Variants in PTPRD observed in about 807,000 individuals in gnomAD.
The protein encoded by PTPRD is receptor-type tyrosine-protein phosphatase delta.
PTPRD carries 34 observed loss-of-function variants against 214.5 expected under a neutral mutation model. The ratio of observed to expected loss-of-function variants is 0.16; its 90% CI spans 0.12 to 0.21. The LOEUF is 0.21. Ranked by LOEUF, PTPRD falls within the 10% of genes least tolerant of loss-of-function variation. The pLI is 1.00. For synonymous variants in PTPRD, 1,128 were observed against 845.7 expected, an observed-to-expected ratio of 1.33 and a Z score of -5.79; for missense variants, 2,545 against 2,398.7, an observed-to-expected ratio of 1.06 and a Z score of -1.27.
chr9:9,943,650 A>AAAG (rs75262154), intron 4 of PTPRD, among the ~76,000 whole-genome samples: 85,376 of 151,592 alleles, frequency 0.56, 26,970 homozygotes, highest in East Asian at 0.9. Context: ...GTTTAAAATA[A>AAAG]AAGTGTAGTC....
chr9:10,106,619 A>C (rs1343582710), intron 3 of PTPRD, among the ~76,000 whole-genome samples: 1 of 151,952 alleles, frequency 6.6e-6, no homozygotes, highest in Non-Finnish European at 1.5e-5. Context: ...GGGTTATGAG[A>C]GGACCATCTA....
chr9:9,067,112 A>C (rs2099735859), intron 10 of PTPRD, among the ~76,000 whole-genome samples: 1 of 152,154 alleles, frequency 6.6e-6, no homozygotes, highest in Non-Finnish European at 1.5e-5. Context: ...TCGTGGTGGC[A>C]CATGACTGTA....
rs139183765 is a variant in PTPRD at position 8,976,806 on chromosome 9, T to G, written c.-104+41891A>C. On this transcript the variant is annotated intron_variant, in intron 11 of 45. Transcript: ENST00000381196. ...TATTCCTAAATGGAGGTGGATATTG[T>G]TGATTTTTTGGAGTGGTTAAAGCAG... is the stretch of plus-strand genomic sequence containing the variant. Among the ~76,000 whole-genome samples, 273 of 152,224 alleles carry G rather than the reference T, an allele frequency of 1.8e-3. 1 individual carries two copies. The highest frequency in any genetic ancestry group is 6.4e-3 in the African/African-American group (266 of 41,552).
intron 3 of PTPRD, among the ~76,000 whole-genome samples, chr9:10,254,860 G>A (rs1251662316): frequency 6.6e-6 from 1 of 152,148 alleles, no homozygotes; most frequent in East Asian, 1.9e-4. Context: ...ATGATAAGCA[G>A]CAATAATTGC....
chr9:9,848,848 T>A (rs9408796), intron 5 of PTPRD, among the ~76,000 whole-genome samples: 1 of 151,868 alleles, frequency 6.6e-6, no homozygotes, highest in Non-Finnish European at 1.5e-5. Flanking sequence ...TGCCTAAGTA[T>A]TAAATGTAAA....
At chr9:8,907,349 T>C (rs2006837) in intron 11 of PTPRD, among the ~76,000 whole-genome samples, 6,193 of 151,644 alleles carry the variant, frequency 0.041, 310 homozygotes, top group South Asian at 0.12. Context: ...AATAAAATAG[T>C]ATTTAAAGAA....
chr9:9,896,492 A>G (rs2075008881), intron 5 of PTPRD, among the ~76,000 whole-genome samples: 1 of 152,092 alleles, frequency 6.6e-6, no homozygotes, highest in Admixed American at 6.6e-5. Context: ...ACTTCTGGGA[A>G]ATAGTCTAGT....
intron 12 of PTPRD, among the ~76,000 whole-genome samples, chr9:8,689,972 G>C (rs375499772): frequency 6.6e-6 from 1 of 152,048 alleles, no homozygotes; most frequent in South Asian, 2.1e-4. Context: ...GCTGGGCACA[G>C]TGGCATGTGC....
intron 20 of PTPRD, 130 bp from the exon 21 acceptor site, chr9:8,518,559 A>T (rs1214744813): frequency 2.8e-6 from 2 of 702,624 alleles, no homozygotes; most frequent in Non-Finnish European, 4.4e-6. Flanking sequence ...AAATTATAGC[A>T]AAGAGTAGTT....
chr9:9,826,560 T>C (rs935927115), intron 5 of PTPRD, among the ~76,000 whole-genome samples: 2 of 152,008 alleles, frequency 1.3e-5, no homozygotes, highest in African/African-American at 4.8e-5. Flanking sequence ...CAAATAGCCA[T>C]TATTGATTAT....
intron 7 of PTPRD, among the ~76,000 whole-genome samples, chr9:9,637,487 A>G (rs894753677): frequency 2.0e-5 from 3 of 152,250 alleles, no homozygotes; most frequent in Non-Finnish European, 4.4e-5. Context: ...TCAGCAGCAT[A>G]AATAGCATTC....
At chr9:10,500,545 C>A (rs889228626) in intron 2 of PTPRD, among the ~76,000 whole-genome samples, 2 of 151,786 alleles carry the variant, frequency 1.3e-5, no homozygotes, top group Non-Finnish European at 2.9e-5. Flanking sequence ...CTTTGTTTTA[C>A]AAACAATCTA....
At chr9:10,041,610 A>C (rs925190797) in intron 3 of PTPRD, among the ~76,000 whole-genome samples, 27 of 151,944 alleles carry the variant, frequency 1.8e-4, no homozygotes, top group African/African-American at 6.5e-4. Flanking sequence ...AGATTCATTT[A>C]AAAAGTGTAA....
intron 3 of PTPRD, among the ~76,000 whole-genome samples, chr9:10,037,813 G>A (rs1281672247): frequency 6.6e-6 from 1 of 152,072 alleles, no homozygotes; most frequent in Non-Finnish European, 1.5e-5. Context: ...GCTTTAAAGA[G>A]AGCTCAAATA....
At position 8,407,861 on chromosome 9, in the gene PTPRD, G is replaced by A. The variant is rs560758032; in HGVS notation, c.4087-3201C>T. Among the ~76,000 whole-genome samples the A allele has an allele frequency of 5.4e-4, 82 of 152,208 alleles. No homozygotes were observed. In the South Asian group the frequency reaches 0.017, roughly 31 times the overall value. On this transcript the variant is annotated intron_variant, in intron 35 of 45. Transcript: ENST00000381196. Reference sequence around the variant, plus strand: ...CTGAACGTTTAACAAAACACAACACGGGTCATTATTTTTGGAGCTTGTCAG... The same window carrying A: ...CTGAACGTTTAACAAAACACAACACAGGTCATTATTTTTGGAGCTTGTCAG...
At chr9:9,151,918 GT>G (rs1460408460) in intron 10 of PTPRD, among the ~76,000 whole-genome samples, 2 of 152,184 alleles carry the variant, frequency 1.3e-5, no homozygotes, top group African/African-American at 4.8e-5. Flanking sequence ...TGTGTTCATT[GT>G]TTTCTGACCT....
At chr9:8,967,030 T>C (rs888249067) in intron 11 of PTPRD, among the ~76,000 whole-genome samples, 1 of 150,630 alleles carries the variant, frequency 6.6e-6, no homozygotes, top group African/African-American at 2.4e-5. Context: ...AGGTGGCCAA[T>C]AAACACATAA....
chr9:8,867,710 G>A (rs763643740), intron 11 of PTPRD, among the ~76,000 whole-genome samples: 2 of 152,124 alleles, frequency 1.3e-5, no homozygotes, highest in South Asian at 2.1e-4. Flanking sequence ...AATCTTACCT[G>A]TGCCATTCAT....
At chr9:9,478,408 T>A (rs78299035) in intron 8 of PTPRD, among the ~76,000 whole-genome samples, 2,061 of 152,344 alleles carry the variant, frequency 0.014, 36 homozygotes, top group African/African-American at 0.047. Flanking sequence ...CAATGTCATT[T>A]ATCACTTATT....
Sources: allele counts gnomAD v4.1 joint callset (sites outside exome capture counted in the v4.1 genomes callset), GRCh38; gene constraint gnomAD v4.1.1; transcripts MANE v1.5; gene names NCBI Gene and HGNC (gene_info 2026-07-23, HGNC 2026-07-21).